The following KCNH1 variants were observed in gnomAD, a reference collection of about 807,000 sequenced individuals.
KCNH1 encodes the protein potassium voltage-gated channel subfamily H member 1, also known as voltage-gated delayed rectifier potassium channel KCNH1.
A neutral mutation model predicts 69.2 loss-of-function variants in KCNH1; 27 were observed. That is an observed-to-expected ratio of 0.39 (90% CI 0.29 to 0.54). The LOEUF (loss-of-function observed/expected upper bound fraction) is 0.54, where lower values mean the gene tolerates loss of function less well. Among genes scored for constraint, KCNH1 ranks in the 20% least tolerant of loss-of-function variants. The probability of loss-of-function intolerance (pLI) is 0.68; values close to 1 mark genes in which losing one functional copy is unlikely to be tolerated. For synonymous variants in KCNH1, 456 were observed against 487.7 expected (o/e 0.93, Z 0.86); for missense variants, 798 against 1,261.6 (o/e 0.63, Z 5.57).
At chr1:211,070,422 A>AC (rs1553376606) in intron 5 of KCNH1, among the ~76,000 whole-genome samples, 1 of 90,518 alleles carries the variant, frequency 1.1e-5, no homozygotes, top group Non-Finnish European at 2.6e-5. Flanking sequence ...CACCTTTAAA[A>AC]AAAAAAAAAC....
rs936159652 is a variant in KCNH1, at chr1:211,017,863, T to G, written c.1032+920A>C. On this transcript the variant is annotated intron_variant, in intron 6 of 10. Coordinates refer to ENST00000271751, the MANE Select transcript of KCNH1 (RefSeq NM_172362.3). ...GAATGTTTGTCTCCTCCAAACCTCATGTTGAAATTTGAGTCCCAGTGTTGG... is the reference window on the plus strand; with the variant it reads ...GAATGTTTGTCTCCTCCAAACCTCAGGTTGAAATTTGAGTCCCAGTGTTGG... Among the ~76,000 whole-genome samples the G allele has an allele frequency of 5.3e-5, 8 of 152,158 alleles. 1 individual carries two copies. The highest frequency in any genetic ancestry group is 3.9e-4 in the Admixed American group (6 of 15,270).
chr1:211,126,201 C>T (rs1691773417), intron 1 of KCNH1, among the ~76,000 whole-genome samples: 1 of 151,500 alleles, frequency 6.6e-6, no homozygotes, highest in South Asian at 2.1e-4. Context: ...CCCATCACTA[C>T]AAAAAAATAC....
chr1:210,752,626 G>A (rs2149043480), intron 10 of KCNH1, among the ~76,000 whole-genome samples: 1 of 152,280 alleles, frequency 6.6e-6, no homozygotes, highest in Middle Eastern at 3.4e-3. Context: ...TCAAGGAAGA[G>A]GAGGTGGAAA....
chr1:210,911,497 C>A (rs1015567702), intron 7 of KCNH1, among the ~76,000 whole-genome samples: 2 of 151,740 alleles, frequency 1.3e-5, no homozygotes, highest in African/African-American at 4.8e-5. Context: ...CTGTTGTCTC[C>A]TTTGAAACAT....
chr1:211,005,333 T>C (rs758264300), intron 6 of KCNH1, among the ~76,000 whole-genome samples: 20 of 152,132 alleles, frequency 1.3e-4, no homozygotes, highest in South Asian at 4.1e-4. Flanking sequence ...CTTCTAAATA[T>C]TTAAGGGAGA....
At chr1:210,741,968 T>G (rs544945285) in intron 10 of KCNH1, among the ~76,000 whole-genome samples, 1 of 152,284 alleles carries the variant, frequency 6.6e-6, no homozygotes, top group African/African-American at 2.4e-5. Context: ...TTAATTTGCC[T>G]GAAGTTAATT....
At chr1:210,779,777 G>A (rs948173571) in intron 9 of KCNH1, among the ~76,000 whole-genome samples, 2 of 152,022 alleles carry the variant, frequency 1.3e-5, no homozygotes, top group Non-Finnish European at 2.9e-5. Flanking sequence ...AAAACTCCAG[G>A]CAAACATCTC....
At chr1:210,917,863 C>T (rs573513503) in intron 7 of KCNH1, among the ~76,000 whole-genome samples, 2 of 152,280 alleles carry the variant, frequency 1.3e-5, no homozygotes, top group South Asian at 4.1e-4. Context: ...GATCTTAAAT[C>T]CTTTTCTGTG....
At chr1:210,707,300 C>A (rs780204216) in intron 10 of KCNH1, among the ~76,000 whole-genome samples, 5 of 152,160 alleles carry the variant, frequency 3.3e-5, no homozygotes, top group Non-Finnish European at 5.9e-5. Context: ...CTGTCCCCAT[C>A]TCCCCCAGCA....
At chr1:210,892,976 G>T (rs563290634) in intron 7 of KCNH1, among the ~76,000 whole-genome samples, 2 of 152,290 alleles carry the variant, frequency 1.3e-5, no homozygotes, top group Admixed American at 6.5e-5. Context: ...ATCACAGAGA[G>T]CCTTGGGAGG....
At chr1:210,953,040 C>T (rs1688092155) in intron 6 of KCNH1, among the ~76,000 whole-genome samples, 1 of 152,192 alleles carries the variant, frequency 6.6e-6, no homozygotes, top group Non-Finnish European at 1.5e-5. Context: ...GGTACCCCAG[C>T]TTTTATTTGA....
At chr1:210,973,247 T>C (rs1688545636) in intron 6 of KCNH1, among the ~76,000 whole-genome samples, 1 of 152,146 alleles carries the variant, frequency 6.6e-6, no homozygotes, top group Non-Finnish European at 1.5e-5. Context: ...ATACTTATAT[T>C]TGATGCTCAA....
intron 6 of KCNH1, among the ~76,000 whole-genome samples, chr1:210,975,211 A>T (rs187629453): frequency 9.8e-5 from 15 of 152,292 alleles, no homozygotes; most frequent in Admixed American, 9.8e-4. Context: ...ATTTATGAAG[A>T]ATAGTTTTGA....
intron 5 of KCNH1, among the ~76,000 whole-genome samples, chr1:211,034,062 A>G (rs1689849398): frequency 6.6e-6 from 1 of 152,216 alleles, no homozygotes; most frequent in Non-Finnish European, 1.5e-5. Context: ...CTACCATATG[A>G]CCTAGCAATT....
chr1:210,981,899 T>C (rs1418166053), intron 6 of KCNH1, among the ~76,000 whole-genome samples: 1 of 152,126 alleles, frequency 6.6e-6, no homozygotes, highest in Non-Finnish European at 1.5e-5. Context: ...TGTGTATGTG[T>C]GGTCACATGT....
At chr1:211,015,698 G>A (rs1689479319) in intron 6 of KCNH1, among the ~76,000 whole-genome samples, 2 of 152,188 alleles carry the variant, frequency 1.3e-5, no homozygotes, top group African/African-American at 2.4e-5. Flanking sequence ...CCTTCAGGCA[G>A]GTATAGTAGT....
chr1:210,730,458 C>A (rs1286802526), intron 10 of KCNH1, among the ~76,000 whole-genome samples: 2 of 152,104 alleles, frequency 1.3e-5, no homozygotes, highest in African/African-American at 4.8e-5. Flanking sequence ...TTAAGGGTAG[C>A]AAATTGGTTT....
chr1:210,728,790 A>G (rs574547936), intron 10 of KCNH1, among the ~76,000 whole-genome samples: 2 of 152,338 alleles, frequency 1.3e-5, no homozygotes, highest in African/African-American at 4.8e-5. Flanking sequence ...CTATATTTTG[A>G]TGGCTTTGCC....
At chr1:210,784,705 CTGTTTT>C (rs1039135240) in intron 9 of KCNH1, among the ~76,000 whole-genome samples, 1 of 146,016 alleles carries the variant, frequency 6.8e-6, no homozygotes, top group Non-Finnish European at 1.5e-5. Flanking sequence ...ACATTTGTTT[CTGTTTT>C]TGTTTTTTGA....
Sources: allele counts gnomAD v4.1 joint callset (sites outside exome capture counted in the v4.1 genomes callset), GRCh38; gene constraint gnomAD v4.1.1; transcripts MANE v1.5; gene names NCBI Gene and HGNC (gene_info 2026-07-23, HGNC 2026-07-21).